The following CYP4X1 variants were observed in gnomAD, a reference collection of about 807,000 sequenced individuals.
The protein encoded by CYP4X1 is cytochrome P450 family 4 subfamily X member 1.
Under a neutral mutation model 57.9 loss-of-function variants are expected in CYP4X1, and 44 were observed. That is an observed-to-expected ratio of 0.76 (90% CI 0.60 to 0.98). The LOEUF (loss-of-function observed/expected upper bound fraction) is 0.98, where lower values mean the gene tolerates loss of function less well. CYP4X1 is among the 50% of genes least tolerant of loss of function. The pLI is 0.00. For synonymous variants in CYP4X1, 227 were observed against 228.6 expected, an observed-to-expected ratio of 0.99 and a Z score of 0.06; for missense variants, 532 against 623.9, an observed-to-expected ratio of 0.85 and a Z score of 1.57.
rs1644222550 is a variant in CYP4X1 at position 47,039,537 on chromosome 1, G to A, written c.1073+5G>A. 2 of 1,574,738 alleles carry A rather than the reference G, an allele frequency of 1.3e-6. No homozygotes were observed. Among genetic ancestry groups the A allele is most frequent in the Non-Finnish European group, 1.7e-6 (2 of 1,165,100 alleles). On this transcript the variant is annotated splice_donor_5th_base_variant and intron_variant, in intron 8 of 11. Coordinates refer to ENST00000371901, the MANE Select transcript of CYP4X1 (RefSeq NM_178033.2). ...GGATGGGTCTTCTATCACTTGGTAA[G>A]ATCTGCACCCCTAAATTTTCCTGCT...
chr1:47,045,429 A>C (rs1644290836), intron 8 of CYP4X1, among the ~76,000 whole-genome samples: 2 of 152,200 alleles, frequency 1.3e-5, no homozygotes, highest in Non-Finnish European at 2.9e-5. Flanking sequence ...AGTCTCATAG[A>C]GTTCTCATTC....
At chr1:46,990,290 T>C in the CYP4X1 span, among the ~76,000 whole-genome samples, 4 of 151,692 alleles carry the variant, frequency 2.6e-5, no homozygotes, top group Admixed American at 6.6e-5. Flanking sequence ...CCAACAAACA[T>C]ATGAAAAAAA....
chr1:47,054,729 T>G (rs1335179690), downstream of CYP4X1, among the ~76,000 whole-genome samples: 1 of 152,042 alleles, frequency 6.6e-6, no homozygotes. Flanking sequence ...TTGTCTGTTA[T>G]TGGTGTATAA....
chr1:46,996,611 T>C, the CYP4X1 span, among the ~76,000 whole-genome samples: 1 of 152,226 alleles, frequency 6.6e-6, no homozygotes, highest in East Asian at 1.9e-4. Flanking sequence ...GAACTGTATG[T>C]AGAGTATGAG....
chr1:47,002,599 T>C, the CYP4X1 span, among the ~76,000 whole-genome samples: 6 of 152,238 alleles, frequency 3.9e-5, no homozygotes, highest in Non-Finnish European at 8.8e-5. Context: ...CTTTTTTGCA[T>C]TTGTACTTCA....
At chr1:47,038,553 G>A (rs1208855406) in intron 6 of CYP4X1, 107 bp from the exon 7 acceptor site, 7 of 708,242 alleles carry the variant, frequency 9.9e-6, no homozygotes, top group Admixed American at 3.2e-5. Flanking sequence ...CTATTTAAAC[G>A]TCTGGAAATC....
chr1:47,039,672 T>A (rs1644223922), intron 8 of CYP4X1, 140 bp downstream of exon 8: 1 of 511,030 alleles, frequency 2.0e-6, no homozygotes, highest in Admixed American at 4.2e-5. Context: ...TTTCTGTTCT[T>A]TCTAAAGAGA....
At chr1:46,968,773 T>G in the CYP4X1 span, among the ~76,000 whole-genome samples, 1 of 152,314 alleles carries the variant, frequency 6.6e-6, no homozygotes, top group Admixed American at 6.5e-5. Context: ...TATAACACGT[T>G]TTGTCCTTGA....
At chr1:47,013,627 A>G in the CYP4X1 span, among the ~76,000 whole-genome samples, 2 of 152,202 alleles carry the variant, frequency 1.3e-5, no homozygotes, top group Admixed American at 6.5e-5. Flanking sequence ...CATTTGACTT[A>G]CTATTGAGTA....
intron 1 of CYP4X1, among the ~76,000 whole-genome samples, chr1:47,026,012 A>G (rs947122203): frequency 7.2e-5 from 11 of 152,192 alleles, no homozygotes; most frequent in African/African-American, 2.7e-4. Flanking sequence ...TGAGTCTTCA[A>G]TTCTAATCCA....
At chr1:46,972,572 G>A in the CYP4X1 span, among the ~76,000 whole-genome samples, 1 of 152,152 alleles carries the variant, frequency 6.6e-6, no homozygotes, top group Admixed American at 6.5e-5. Context: ...CCATGAGCTT[G>A]GAATGTTTTC....
chr1:47,024,485 A>G (rs969695691), intron 1 of CYP4X1, among the ~76,000 whole-genome samples: 3 of 152,146 alleles, frequency 2.0e-5, no homozygotes, highest in African/African-American at 4.8e-5. Flanking sequence ...CTCGAGAAAT[A>G]CTGATTGATG....
At chr1:47,042,745 A>G (rs899954787) in intron 8 of CYP4X1, among the ~76,000 whole-genome samples, 2 of 152,168 alleles carry the variant, frequency 1.3e-5, no homozygotes, top group African/African-American at 2.4e-5. Flanking sequence ...CATTTAGAAT[A>G]TTGGTCTCCA....
At chr1:46,999,024 C>G in the CYP4X1 span, among the ~76,000 whole-genome samples, 5 of 76,686 alleles carry the variant, frequency 6.5e-5, no homozygotes, top group African/African-American at 4.1e-4. Flanking sequence ...GGCTTGCTTT[C>G]TTTGTGTGTG....
In CYP4X1 at chr1:47,048,549, T is replaced by A; in HGVS notation, c.1208-16T>A. The A allele has an allele frequency of 6.2e-7, 1 of 1,614,040 alleles. No homozygotes were observed. Among genetic ancestry groups the A allele is most frequent in the Non-Finnish European group, 8.5e-7 (1 of 1,179,920 alleles). On this transcript the variant is annotated splice_polypyrimidine_tract_variant and intron_variant, in intron 9 of 11. Coordinates refer to ENST00000371901, the MANE Select transcript of CYP4X1 (RefSeq NM_178033.2). ...CTCTTTCTCCTGCAGTCTCTTTTAT[T>A]TCCCTCCTTTCTTAGGGATCACCGT...
chr1:47,008,053 G>C, the CYP4X1 span, among the ~76,000 whole-genome samples: 3 of 152,088 alleles, frequency 2.0e-5, no homozygotes, highest in African/African-American at 7.2e-5. Flanking sequence ...CCAACATTCA[G>C]ATTCAGGAAA....
At chr1:46,983,744 C>T in the CYP4X1 span, among the ~76,000 whole-genome samples, 1 of 152,130 alleles carries the variant, frequency 6.6e-6, no homozygotes, top group African/African-American at 2.4e-5. Flanking sequence ...GAGGTGGGAG[C>T]TACAGCAGTG....
chr1:46,971,404 G>C, the CYP4X1 span, among the ~76,000 whole-genome samples: 1 of 152,258 alleles, frequency 6.6e-6, no homozygotes, highest in Non-Finnish European at 1.5e-5. Context: ...GTGTCTTTAT[G>C]ATAGAATGGT....
the CYP4X1 span, among the ~76,000 whole-genome samples, chr1:47,017,987 G>C: frequency 6.6e-6 from 1 of 152,120 alleles, no homozygotes; most frequent in African/African-American, 2.4e-5. Context: ...CTCAAATTTT[G>C]GGGGTTCACA....
Sources: gnomAD v4.1 joint callset for allele counts (sites outside exome capture counted in the v4.1 genomes callset) on GRCh38, gnomAD v4.1.1 for gene constraint, MANE v1.5 for transcripts, NCBI Gene and HGNC (gene_info 2026-07-23, HGNC 2026-07-21) for gene names.